The following TNS3 variants were observed in gnomAD, a reference collection of about 807,000 sequenced individuals.
TNS3 encodes the protein tensin-3.
A neutral mutation model predicts 140.9 loss-of-function variants in TNS3; 45 were observed. The ratio of observed to expected loss-of-function variants is 0.32; its 90% CI spans 0.25 to 0.41. The LOEUF (loss-of-function observed/expected upper bound fraction) is 0.41. TNS3 is among the 10% of genes least tolerant of loss of function. The probability of loss-of-function intolerance (pLI) is 1.00; values close to 1 mark genes in which losing one functional copy is unlikely to be tolerated. For missense variants in TNS3, 1,716 were observed against 1,906.7 expected, an observed-to-expected ratio of 0.90 and a Z score of 1.86; for synonymous variants, 815 against 788.4, an observed-to-expected ratio of 1.03 and a Z score of -0.56.
intron 20 of TNS3, 118 bp downstream of exon 20, chr7:47,344,637 C>A: frequency 1.0e-6 from 1 of 959,456 alleles, no homozygotes; most frequent in Non-Finnish European, 1.6e-6. Context: ...TCCAAGGCTT[C>A]TGAGATACGA....
chr7:47,322,292 C>T (rs563671804), intron 20 of TNS3, among the ~76,000 whole-genome samples: 6 of 149,212 alleles, frequency 4.0e-5, no homozygotes, highest in East Asian at 4.0e-4. Context: ...GGGAGACTGA[C>T]GCAGGCGGAT....
At chr7:47,464,459 A>G (rs1373270232) in intron 4 of TNS3, among the ~76,000 whole-genome samples, 2 of 152,116 alleles carry the variant, frequency 1.3e-5, no homozygotes, top group African/African-American at 4.8e-5. Flanking sequence ...AGCACCCTCA[A>G]CACCCCTAGG....
intron 24 of TNS3, among the ~76,000 whole-genome samples, chr7:47,294,072 T>TGGG (rs936239777): frequency 3.6e-4 from 55 of 152,072 alleles, no homozygotes; most frequent in Admixed American, 2.6e-4. Context: ...AATGACAGTG[T>TGGG]GGGGGCTGGA....
At chr7:47,559,551 C>G (rs1440658989) in intron 1 of TNS3, among the ~76,000 whole-genome samples, 2 of 152,100 alleles carry the variant, frequency 1.3e-5, no homozygotes. Flanking sequence ...CACCCCAGGA[C>G]TATGCAGAGA....
intron 1 of TNS3, among the ~76,000 whole-genome samples, chr7:47,534,103 G>A (rs1361981839): frequency 1.3e-5 from 2 of 151,776 alleles, no homozygotes; most frequent in African/African-American, 2.4e-5. Context: ...GTGAAACCCC[G>A]TCTCTACTAA....
chr7:47,311,264 G>T (rs1276986492), intron 20 of TNS3, among the ~76,000 whole-genome samples: 1 of 152,120 alleles, frequency 6.6e-6, no homozygotes, highest in Non-Finnish European at 1.5e-5. Context: ...GCCATTCTGG[G>T]GGCAGGGGGA....
At chr7:47,477,265 C>G (rs1045312015) in intron 4 of TNS3, among the ~76,000 whole-genome samples, 4 of 152,184 alleles carry the variant, frequency 2.6e-5, no homozygotes, top group African/African-American at 9.7e-5. Context: ...GGAATTTTGA[C>G]AGACCCGGCA....
chr7:47,481,629 G>C (rs1004698923), intron 3 of TNS3: 1 of 981,280 alleles, frequency 1.0e-6, no homozygotes, highest in South Asian at 4.7e-5. Context: ...TAGAACTGAA[G>C]AGTCTGAATG....
chr7:47,370,277 C>G (rs1790981880), intron 16 of TNS3, among the ~76,000 whole-genome samples: 1 of 150,388 alleles, frequency 6.6e-6, no homozygotes, highest in South Asian at 2.1e-4. Context: ...AAGACTCCGT[C>G]TCAAAAAAAA....
chr7:47,481,709 T>C (rs772787181), intron 3 of TNS3: 12 of 985,324 alleles, frequency 1.2e-5, no homozygotes, highest in Non-Finnish European at 1.4e-5. Context: ...TCCACCATAG[T>C]CTCTGAAGAC....
At chr7:47,346,401 C>T (rs752815468) in intron 17 of TNS3, 45 bp from the exon 18 acceptor site, 14 of 1,604,016 alleles carry the variant, frequency 8.7e-6, no homozygotes, top group South Asian at 5.5e-5. Context: ...TTCCTCAAGG[C>T]GGAGTGAGGC....
intron 20 of TNS3, among the ~76,000 whole-genome samples, chr7:47,318,906 C>G (rs561365517): frequency 6.6e-5 from 10 of 152,372 alleles, no homozygotes; most frequent in African/African-American, 2.4e-4. Context: ...CATAACTGGA[C>G]TTGTCCACAG....
At chr7:47,429,699 T>C (rs975135143) in intron 8 of TNS3, among the ~76,000 whole-genome samples, 1 of 152,154 alleles carries the variant, frequency 6.6e-6, no homozygotes, top group African/African-American at 2.4e-5. Flanking sequence ...TTAAAAATAT[T>C]TGCCAACCCC....
At chr7:47,330,045 T>G (rs568348553) in intron 20 of TNS3, among the ~76,000 whole-genome samples, 17 of 152,318 alleles carry the variant, frequency 1.1e-4, no homozygotes, top group African/African-American at 4.1e-4. Context: ...CTAAAGTGAT[T>G]TCAAAGGTGG....
intron 3 of TNS3, among the ~76,000 whole-genome samples, chr7:47,499,609 C>G (rs1798134892): frequency 6.6e-6 from 1 of 152,178 alleles, no homozygotes; most frequent in South Asian, 2.1e-4. Context: ...GTGAAGGAAG[C>G]CCATCTGAAA....
chr7:47,413,743 G>A (rs931364335), intron 12 of TNS3, among the ~76,000 whole-genome samples, 194 bp downstream of exon 12: 1 of 152,006 alleles, frequency 6.6e-6, no homozygotes, highest in African/African-American at 2.4e-5. Context: ...CAGGGCAGGA[G>A]GGAGGGCCAA....
intron 4 of TNS3, among the ~76,000 whole-genome samples, chr7:47,472,714 C>A (rs1797007208): frequency 6.6e-6 from 1 of 152,210 alleles, no homozygotes; most frequent in Non-Finnish European, 1.5e-5. Context: ...CATCTTCAGC[C>A]TGTCCTACTC....
At chr7:47,416,034 C>T (rs964861678) in intron 10 of TNS3, among the ~76,000 whole-genome samples, 15 of 152,366 alleles carry the variant, frequency 9.8e-5, no homozygotes, top group African/African-American at 3.6e-4. Context: ...CCTGGCGTGG[C>T]CCCTGCCCTG....
At chr7:47,563,419 A>G (rs570785872) in intron 1 of TNS3, among the ~76,000 whole-genome samples, 1 of 152,268 alleles carries the variant, frequency 6.6e-6, no homozygotes, top group Admixed American at 6.5e-5. Flanking sequence ...AAGCTTCAGG[A>G]CCCAGTGATG....
Sources: allele counts gnomAD v4.1 joint callset (sites outside exome capture counted in the v4.1 genomes callset), GRCh38; gene constraint gnomAD v4.1.1; transcripts MANE v1.5; gene names NCBI Gene and HGNC (gene_info 2026-07-23, HGNC 2026-07-21).